Variants in ACSL3 observed in about 807,000 individuals in gnomAD.
The protein encoded by ACSL3 is fatty acid CoA ligase Acsl3.
ACSL3 carries 34 observed loss-of-function variants against 84.7 expected under a neutral mutation model. The ratio of observed to expected loss-of-function variants is 0.40; its 90% CI spans 0.31 to 0.53. ACSL3 has a LOEUF of 0.53. ACSL3 is among the 20% of genes least tolerant of loss of function. The probability of loss-of-function intolerance (pLI) is 0.48; values close to 1 mark genes in which losing one functional copy is unlikely to be tolerated. For synonymous variants in ACSL3, 315 were observed against 299.4 expected (o/e 1.05, Z -0.54); for missense variants, 680 against 873.1 (o/e 0.78, Z 2.79).
At chr2:222,880,012 A>G (rs1290597765) in intron 1 of ACSL3, among the ~76,000 whole-genome samples, 2 of 151,354 alleles carry the variant, frequency 1.3e-5, no homozygotes, top group African/African-American at 4.9e-5. Flanking sequence ...TTCAGCTACT[A>G]CCTCTGTTAA....
At chr2:222,878,281 G>A (rs1464958805) in intron 1 of ACSL3, among the ~76,000 whole-genome samples, 14 of 152,356 alleles carry the variant, frequency 9.2e-5, no homozygotes, top group Admixed American at 8.5e-4. Flanking sequence ...AGGAATTCCT[G>A]AAGAATAGCT....
intron 1 of ACSL3, among the ~76,000 whole-genome samples, chr2:222,883,802 C>T (rs1294406946): frequency 6.6e-6 from 1 of 152,102 alleles, no homozygotes; most frequent in African/African-American, 2.4e-5. Flanking sequence ...CTATATTCTA[C>T]CCCTTGCTTT....
intron 2 of ACSL3, among the ~76,000 whole-genome samples, chr2:222,895,077 C>T (rs180838852): frequency 3.3e-5 from 5 of 152,292 alleles, no homozygotes; most frequent in South Asian, 4.1e-4. Context: ...ATTTCAATAT[C>T]GTTCTAACAC....
Position 222,924,510 on chromosome 2 carries a change from A to G in ACSL3, c.1207A>G (p.Ser403Gly). The G allele has an allele frequency of 1.2e-6, 2 of 1,610,676 alleles. No homozygotes were observed. Among genetic ancestry groups the G allele is most frequent in the South Asian group, 1.1e-5 (1 of 90,014 alleles). Residue 403 changes from serine to glycine, a missense_variant, in exon 11 of 17, where the codon AGT becomes GGT. This residue lies in a region of ACSL3 where 347 missense variants were observed against 525.7 expected (regional missense o/e 0.66). Transcript: ENST00000357430. Reference sequence around the variant, plus strand: ...CATGAATAAAGTCAGTGAAATGAGTAGTTTTCAACGTAATCTGTTTATTCT... The same window carrying G: ...CATGAATAAAGTCAGTGAAATGAGTGGTTTTCAACGTAATCTGTTTATTCT... ...NVMNKVSEMS[S>G]FQRNLFILAY... is the part of the protein sequence containing the mutation.
chr2:222,905,400 A>G (rs929305440), intron 3 of ACSL3, among the ~76,000 whole-genome samples: 2 of 152,162 alleles, frequency 1.3e-5, no homozygotes, highest in East Asian at 1.9e-4. Flanking sequence ...GGCTCAAGCA[A>G]TCCGCCTGCC....
intron 4 of ACSL3, among the ~76,000 whole-genome samples, chr2:222,910,385 T>A (rs1696412551): frequency 1.3e-5 from 2 of 152,214 alleles, no homozygotes; most frequent in Non-Finnish European, 2.9e-5. Flanking sequence ...GTTTAATATC[T>A]TTTAACCATT....
At chr2:222,925,682 T>C (rs1044135234) in intron 11 of ACSL3, among the ~76,000 whole-genome samples, 1 of 152,256 alleles carries the variant, frequency 6.6e-6, no homozygotes, top group Non-Finnish European at 1.5e-5. Flanking sequence ...GTGTTTTCAC[T>C]TAAGATTTTG....
chr2:222,922,738 T>C lies in ACSL3; in HGVS notation c.987T>C (p.Pro329=). Residue 329 remains proline, a synonymous_variant, in exon 9 of 17, where the codon CCT becomes CCC. Coordinates refer to ENST00000357430, the MANE Select transcript of ACSL3 (RefSeq NM_004457.5). ...AAGATGTCTACATTGGATATTTGCC[T>C]CTGGCCCATGTTCTAGAATTAAGTG... ...GEEDVYIGYL[P]LAHVLELSAE... The C allele has an allele frequency of 6.2e-7, 1 of 1,614,182 alleles. No individual in the cohort carries two copies. The highest frequency in any genetic ancestry group is 8.5e-7 in the Non-Finnish European group (1 of 1,179,988).
intron 2 of ACSL3, among the ~76,000 whole-genome samples, chr2:222,890,896 G>C (rs573565358): frequency 6.6e-6 from 1 of 152,282 alleles, no homozygotes; most frequent in Non-Finnish European, 1.5e-5. Flanking sequence ...GCCCACTTCA[G>C]CCTCCCAAAG....
chr2:222,905,172 T>G (rs1366365502), intron 3 of ACSL3: 2 of 152,782 alleles, frequency 1.3e-5, no homozygotes, highest in Non-Finnish European at 2.9e-5. Context: ...TTTATATATG[T>G]TTTTTGAGAC....
chr2:222,933,402 G>T, intron 15 of ACSL3, 122 bp downstream of exon 15: 1 of 638,288 alleles, frequency 1.6e-6, no homozygotes, highest in Non-Finnish European at 2.6e-6. Context: ...TTACTTGTGG[G>T]AATGGCCTCC....
intron 1 of ACSL3, among the ~76,000 whole-genome samples, chr2:222,872,964 CAG>C (rs1464971729): frequency 3.9e-5 from 6 of 151,978 alleles, no homozygotes; most frequent in African/African-American, 1.5e-4. Flanking sequence ...ATGCATGAGA[CAG>C]AAATAAAAAT....
At position 222,944,063 on chromosome 2, in the gene ACSL3, A is replaced by G. The variant is rs1214610156; in HGVS notation, c.*2409A>G. ...GGTGGCCACCTCCATTTATTTCCCC[A>G]CTGCTCCTCCACTGACATCCTTCTT... On this transcript the variant is annotated 3_prime_UTR_variant, in exon 17 of 17. Transcript: ENST00000357430. 6.6e-6 allele frequency: 1 copy of G among 152,072 alleles called. No homozygotes were observed. The highest frequency in any genetic ancestry group is 1.5e-5 in the Non-Finnish European group (1 of 67,952). 9.4% of individuals were successfully genotyped at this position (152,072 alleles called of 1,614,324 possible). A position where few individuals can be genotyped will look rare whatever the true frequency, so the allele number is the denominator to read the frequency against.
intron 11 of ACSL3, 61 bp from the exon 12 acceptor site, chr2:222,926,956 A>G (rs1696896540): frequency 1.9e-6 from 3 of 1,555,890 alleles, no homozygotes; most frequent in African/African-American, 2.7e-5. Context: ...GATTAGTTTA[A>G]GTGATTTGGA....
At chr2:222,883,702 T>A (rs1368372387) in intron 1 of ACSL3, among the ~76,000 whole-genome samples, 2 of 24,512 alleles carry the variant, frequency 8.2e-5, no homozygotes, top group Non-Finnish European at 1.3e-4. Context: ...CTCTTTGTTC[T>A]TTTTTTCTAT....
In ACSL3 at chr2:222,908,792, C is replaced by T. The variant is rs755313153; in HGVS notation, c.20C>T (p.Ser7Leu). The T allele has an allele frequency of 5.0e-6, 8 of 1,599,052 alleles. No individual in the cohort carries two copies. Among genetic ancestry groups the T allele is most frequent in the Non-Finnish European group, 5.1e-6 (6 of 1,176,560 alleles). ...GTACTTATGAATAACCACGTGTCTT[C>T]AAAACCATCTACCATGAAGCTAAAA... MNNHVS[S>L]KPSTMKLKHT... Residue 7 changes from serine (S) to leucine (L), a missense_variant, in exon 4 of 17, where the codon TCA (serine) becomes TTA (leucine). Physicochemically the swap from Ser to Leu is moderately radical, Grantham distance 145. Coordinates refer to ENST00000357430, the MANE Select transcript of ACSL3 (RefSeq NM_004457.5).
intron 1 of ACSL3, among the ~76,000 whole-genome samples, chr2:222,875,244 TTTTATCACTGATAAAAC>T (rs140537295): frequency 0.08 from 12,235 of 152,180 alleles, 566 homozygotes; most frequent in Middle Eastern, 0.13. Context: ...CTCTCAAAGT[TTTTATCACTGATAAAAC>T]TTTATCACTG....
chr2:222,913,396 T>C (rs2106121421), intron 4 of ACSL3, among the ~76,000 whole-genome samples: 1 of 152,354 alleles, frequency 6.6e-6, no homozygotes, highest in Non-Finnish European at 1.5e-5. Flanking sequence ...ATGGTCAGTC[T>C]CTTGGCTGGG....
At chr2:222,907,506 A>C (rs1351052302) in intron 3 of ACSL3, among the ~76,000 whole-genome samples, 1 of 152,086 alleles carries the variant, frequency 6.6e-6, no homozygotes, top group Non-Finnish European at 1.5e-5. Context: ...AACACCTGTA[A>C]TCCCAGCACT....
Sources: gnomAD v4.1 joint callset for allele counts (sites outside exome capture counted in the v4.1 genomes callset) on GRCh38, gnomAD v4.1.1 for gene constraint, gnomAD v4.1.1 regional missense constraint, MANE v1.5 for transcripts, NCBI Gene and HGNC (gene_info 2026-07-23, HGNC 2026-07-21) for gene names.